The following MRPL39 variants were observed in gnomAD, a reference collection of about 807,000 sequenced individuals.
The protein encoded by MRPL39 is mitochondrial ribosomal protein L39.
Under a neutral mutation model 44.5 loss-of-function variants are expected in MRPL39, and 35 were observed. The ratio of observed to expected loss-of-function variants is 0.79; its 90% confidence interval spans 0.60 to 1.04. The LOEUF is 1.04. MRPL39 is among the 50% of genes least tolerant of loss of function. The pLI is 0.00. For missense variants in MRPL39, 433 were observed against 413.5 expected (o/e 1.05, Z -0.41); for synonymous variants, 139 against 136.1 (o/e 1.02, Z -0.15).
chr21:25,587,337 A>C (rs996717114), intron 9 of MRPL39, among the ~76,000 whole-genome samples: 1 of 152,150 alleles, frequency 6.6e-6, no homozygotes, highest in Non-Finnish European at 1.5e-5. Flanking sequence ...CACTGTGACC[A>C]ACTAAAAAGA....
At chr21:25,588,802 G>C in intron 9 of MRPL39, 33 bp downstream of exon 9, 2 of 1,566,700 alleles carry the variant, frequency 1.3e-6, no homozygotes, top group Non-Finnish European at 1.7e-6. Flanking sequence ...TTTCTTTATA[G>C]AAGAGTACTC....
Position 25,597,804 on chromosome 21 carries a change from TAA to T in MRPL39, c.589-392_589-391del, listed in dbSNP as rs2031404135. On this transcript the variant is annotated intron_variant, in intron 5 of 9. Coordinates refer to ENST00000352957, the MANE Select transcript of MRPL39 (RefSeq NM_017446.4). ...AATGTGTTTACAGTATGAATAAATCTAAGTTTATTAAATATATGGGGAAAAAT... is the reference window on the plus strand; with the variant it reads ...AATGTGTTTACAGTATGAATAAATCTGTTTATTAAATATATGGGGAAAAAT... 3.9e-5 allele frequency among the ~76,000 whole-genome samples: 6 copies of T among 152,266 alleles called. 2 individuals are homozygous for T. In the South Asian group the frequency reaches 1.2e-3, roughly 32 times the overall value.
At chr21:25,606,149 C>A (rs1186990439) in intron 2 of MRPL39, among the ~76,000 whole-genome samples, 1 of 152,100 alleles carries the variant, frequency 6.6e-6, no homozygotes, top group Admixed American at 6.5e-5. Context: ...TAATTTATTT[C>A]TATTTTTATT....
At chr21:25,604,486 C>T (rs2031609416) in intron 2 of MRPL39, among the ~76,000 whole-genome samples, 1 of 152,160 alleles carries the variant, frequency 6.6e-6, no homozygotes, top group Non-Finnish European at 1.5e-5. Flanking sequence ...TATATTAATA[C>T]ACACCTACAA....
At chr21:25,607,170 G>A (rs1180176404) in intron 1 of MRPL39, among the ~76,000 whole-genome samples, 1 of 152,242 alleles carries the variant, frequency 6.6e-6, no homozygotes, top group Non-Finnish European at 1.5e-5. Flanking sequence ...TCCTCCCGCG[G>A]CCTGGCTCCG....
At chr21:25,588,382 T>C (rs1286697776) in intron 9 of MRPL39, among the ~76,000 whole-genome samples, 2 of 152,250 alleles carry the variant, frequency 1.3e-5, no homozygotes, top group South Asian at 2.1e-4. Context: ...AAGAATAAAC[T>C]ACAAAAACAC....
chr21:25,585,704 T>C lies in MRPL39; in HGVS notation c.*3A>G. On this transcript the variant is annotated 3_prime_UTR_variant, in exon 10 of 10. Transcript: ENST00000352957. ...TTATACATATTTAAATTTTAGAAAG[T>C]TATTAGGTAGATGTACATTCCTCTG... 1 of 1,497,428 alleles carries C rather than the reference T, an allele frequency of 6.7e-7. No individual in the cohort carries two copies. Among genetic ancestry groups the C allele is most frequent in the Non-Finnish European group, 9.1e-7 (1 of 1,093,718 alleles). 92.8% of individuals were successfully genotyped at this position (1,497,428 alleles called of 1,614,324 possible). A position where few individuals can be genotyped will look rare whatever the true frequency, so the allele number is the denominator to read the frequency against.
In MRPL39 at chr21:25,606,431, C is replaced by T; in HGVS notation, c.280+18G>A. On this transcript the variant is annotated intron_variant, in intron 2 of 9. Coordinates refer to ENST00000352957, the MANE Select transcript of MRPL39 (RefSeq NM_017446.4). Reference sequence around the variant, plus strand: ...TTAAGTAAAAGGGTCAAAACTGTAACCTGATTCTGCTACTTACGCATGGCA... The same window carrying T: ...TTAAGTAAAAGGGTCAAAACTGTAATCTGATTCTGCTACTTACGCATGGCA... 6.4e-7 allele frequency: 1 copy of T among 1,567,568 alleles called. No individual in the cohort carries two copies. The highest frequency in any genetic ancestry group is 8.7e-7 in the Non-Finnish European group (1 of 1,154,124).
rs1032917196 is a variant in MRPL39, at chr21:25,607,315, G to C, written c.73+88C>G. 34 of 1,453,040 alleles carry C rather than the reference G, an allele frequency of 2.3e-5. 1 individual carries two copies. Among genetic ancestry groups the C allele is most frequent in the Middle Eastern group, 3.5e-4 (2 of 5,734 alleles). 90.0% of individuals were successfully genotyped at this position (1,453,040 alleles called of 1,614,324 possible). ...ACCCTCCTCCTTCCTCTGCCCCGCG[G>C]GACCTCCCCGGCCCCGCCTCAGACC... On this transcript the variant is annotated intron_variant, in intron 1 of 9. Transcript: ENST00000352957.
chr21:25,586,653 T>G (rs1367399441), intron 9 of MRPL39, among the ~76,000 whole-genome samples: 1 of 152,240 alleles, frequency 6.6e-6, no homozygotes, highest in Non-Finnish European at 1.5e-5. Flanking sequence ...ATCCTACATG[T>G]GACCTGTACA....
chr21:25,599,326 T>C (rs192855661), intron 5 of MRPL39, among the ~76,000 whole-genome samples: 2 of 152,338 alleles, frequency 1.3e-5, no homozygotes, highest in Admixed American at 1.3e-4. Context: ...GTGACCCTTG[T>C]ATATACAGGG....
At chr21:25,588,121 C>A (rs2031059346) in intron 9 of MRPL39, among the ~76,000 whole-genome samples, 1 of 152,120 alleles carries the variant, frequency 6.6e-6, no homozygotes, top group African/African-American at 2.4e-5. Context: ...ACCATCCTGG[C>A]TAACACGGTA....
At chr21:25,598,260 G>A (rs951958274) in intron 5 of MRPL39, among the ~76,000 whole-genome samples, 4 of 16,426 alleles carry the variant, frequency 2.4e-4, no homozygotes, top group Admixed American at 1.7e-3. Flanking sequence ...CATGGAGTCT[G>A]CAATCAGCTC....
At chr21:25,598,209 C>G (rs1486609433) in intron 5 of MRPL39, among the ~76,000 whole-genome samples, 2 of 151,988 alleles carry the variant, frequency 1.3e-5, no homozygotes, top group Admixed American at 1.3e-4. Flanking sequence ...TTCAATGTAA[C>G]TCTACCCTAC....
intron 5 of MRPL39, among the ~76,000 whole-genome samples, 152 bp downstream of exon 5, chr21:25,599,639 TAGATAGAC>T (rs1249206666): frequency 6.6e-6 from 1 of 152,124 alleles, no homozygotes; most frequent in East Asian, 1.9e-4. Flanking sequence ...AATAGATAGA[TAGATAGAC>T]AGACAGACAG....
At chr21:25,600,302 A>G (rs1210860597) in intron 4 of MRPL39, among the ~76,000 whole-genome samples, 1 of 150,382 alleles carries the variant, frequency 6.6e-6, no homozygotes, top group Non-Finnish European at 1.5e-5. Context: ...AGTCTGAGGC[A>G]GAAGAATCGC....
chr21:25,599,047 A>C (rs2031445358), intron 5 of MRPL39, among the ~76,000 whole-genome samples: 1 of 152,142 alleles, frequency 6.6e-6, no homozygotes, highest in Non-Finnish European at 1.5e-5. Flanking sequence ...TTGTTTAATT[A>C]AGAATTAGGT....
At chr21:25,599,711 A>T in intron 5 of MRPL39, 88 bp downstream of exon 5, 1 of 1,032,852 alleles carries the variant, frequency 9.7e-7, no homozygotes, top group Non-Finnish European at 1.5e-6. Context: ...CTCAACATGC[A>T]GTACCATTCA....
At chr21:25,604,251 T>A (rs1485111190) in intron 2 of MRPL39, among the ~76,000 whole-genome samples, 1 of 152,048 alleles carries the variant, frequency 6.6e-6, no homozygotes, top group Non-Finnish European at 1.5e-5. Flanking sequence ...AGAGCGAGAC[T>A]CTGTCTCAAA....
Sources: allele counts gnomAD v4.1 joint callset (sites outside exome capture counted in the v4.1 genomes callset), GRCh38; gene constraint gnomAD v4.1.1; transcripts MANE v1.5; gene names NCBI Gene and HGNC (gene_info 2026-07-23, HGNC 2026-07-21).